Variants in ADCY2 observed in about 807,000 individuals in gnomAD.
ADCY2 encodes adenylate cyclase type 2.
In ADCY2, 31 loss-of-function variants were observed where a neutral mutation model predicts 125.2. The observed-to-expected ratio is 0.25, with a 90% CI of 0.19 to 0.33. ADCY2 has a LOEUF of 0.33. ADCY2 is among the 10% of genes least tolerant of loss of function. The pLI is 1.00. For missense variants in ADCY2, 904 were observed against 1,418.2 expected (o/e 0.64, Z 5.82); for synonymous variants, 512 against 548.4 (o/e 0.93, Z 0.93).
chr5:7,772,622 CAT>C (rs1057378213), intron 17 of ADCY2, among the ~76,000 whole-genome samples: 29 of 152,072 alleles, frequency 1.9e-4, no homozygotes, highest in Admixed American at 8.5e-4. Context: ...AAATAGATAA[CAT>C]TGGCTTATAG....
At chr5:7,717,050 C>A in intron 11 of ADCY2, 107 bp from the exon 12 acceptor site, 1 of 673,442 alleles carries the variant, frequency 1.5e-6, no homozygotes, top group Non-Finnish European at 2.6e-6. Flanking sequence ...AACAAAATGT[C>A]ATCTGTATCT....
At chr5:7,526,825 C>A (rs933018187) in intron 3 of ADCY2, among the ~76,000 whole-genome samples, 13 of 152,254 alleles carry the variant, frequency 8.5e-5, no homozygotes, top group African/African-American at 3.1e-4. Flanking sequence ...TGAAGACATG[C>A]TGGAATCCCT....
At chr5:7,501,200 T>G (rs1743554238) in intron 2 of ADCY2, among the ~76,000 whole-genome samples, 2 of 151,934 alleles carry the variant, frequency 1.3e-5, no homozygotes, top group South Asian at 4.1e-4. Flanking sequence ...TGACAAGATG[T>G]TTTGTTTAGT....
At chr5:7,515,896 C>T (rs1175967291) in intron 2 of ADCY2, among the ~76,000 whole-genome samples, 1 of 152,038 alleles carries the variant, frequency 6.6e-6, no homozygotes, top group Non-Finnish European at 1.5e-5. Flanking sequence ...ATAAGTAAAG[C>T]CAATGAAGAG....
chr5:7,420,243 A>C (rs767511214), intron 2 of ADCY2, among the ~76,000 whole-genome samples: 1 of 152,130 alleles, frequency 6.6e-6, no homozygotes, highest in Non-Finnish European at 1.5e-5. Flanking sequence ...ATCACCCAAC[A>C]TGGCCTCTCT....
At chr5:7,695,712 A>T (rs756826596) in intron 5 of ADCY2, 40 bp from the exon 6 acceptor site, 1 of 1,246,894 alleles carries the variant, frequency 8.0e-7, no homozygotes, top group Admixed American at 2.4e-5. Flanking sequence ...AAATGTATAA[A>T]CTGGAAAACT....
At chr5:7,511,181 G>A (rs563738674) in intron 2 of ADCY2, among the ~76,000 whole-genome samples, 1 of 152,188 alleles carries the variant, frequency 6.6e-6, no homozygotes, top group Non-Finnish European at 1.5e-5. Flanking sequence ...TGTCCCCATA[G>A]AGCCTGCATA....
intron 3 of ADCY2, among the ~76,000 whole-genome samples, chr5:7,602,525 A>G (rs1053897603): frequency 6.6e-6 from 1 of 152,164 alleles, no homozygotes; most frequent in Non-Finnish European, 1.5e-5. Context: ...ACCTACAAGA[A>G]GTCTCCTCTA....
At position 7,706,720 on chromosome 5, in the gene ADCY2, T is replaced by C. The variant is rs114107837; in HGVS notation, c.1110-24T>C. On this transcript the variant is annotated intron_variant, in intron 7 of 24. Transcript: ENST00000338316. ...GGAAACAGTGGATGTTACTTGATCA[T>C]GATCTTACTTCCCTTCTCTTTAGGA... The C allele has an allele frequency of 9.7e-3, 15,675 of 1,612,810 alleles. 91 individuals are homozygous for C. Among genetic ancestry groups the C allele is most frequent in the Non-Finnish European group, 0.012 (13,807 of 1,179,050 alleles).
chr5:7,566,207 C>T (rs755692772), intron 3 of ADCY2, among the ~76,000 whole-genome samples: 14 of 152,118 alleles, frequency 9.2e-5, no homozygotes, highest in East Asian at 1.9e-4. Flanking sequence ...AGGGACACTG[C>T]GCTGGGCGCA....
rs1439712708 is a variant in ADCY2 at position 7,789,655 on chromosome 5, G to A, written c.2483G>A (p.Cys828Tyr). 1.2e-6 allele frequency: 2 copies of A among 1,613,776 alleles called. No homozygotes were observed. Among genetic ancestry groups the A allele is most frequent in the Non-Finnish European group, 1.7e-6 (2 of 1,179,870 alleles). The stretch of plus-strand genomic sequence containing the variant: ...CTCTTGTAACAGAATGAATATTACT[G>A]TAGGTTAGACTTCTTATGGAAGAAC... ...LVLGRQNEYY[C>Y]RLDFLWKNKF... is the part of the protein sequence containing the mutation. Residue 828 changes from cysteine (C) to tyrosine (Y), a missense_variant, in exon 20 of 25, where the codon TGT (cysteine) becomes TAT (tyrosine). Cys to Tyr is a radical substitution (Grantham distance 194). Around this residue, in one of 7 missense-constraint regions of ADCY2, gnomAD observed 181 missense variants for 381.6 expected, o/e 0.47. Transcript: ENST00000338316.
chr5:7,612,968 A>T (rs1470628283), intron 3 of ADCY2, among the ~76,000 whole-genome samples: 2 of 152,068 alleles, frequency 1.3e-5, no homozygotes, highest in East Asian at 3.9e-4. Flanking sequence ...GTGAGCTGAG[A>T]TTGCACCACT....
intron 18 of ADCY2, among the ~76,000 whole-genome samples, chr5:7,780,762 C>G (rs1176128536): frequency 1.3e-4 from 19 of 149,760 alleles, no homozygotes; most frequent in Admixed American, 1.3e-3. Flanking sequence ...ACTGCTTTCC[C>G]TCCTGAGAAT....
At chr5:7,667,808 G>A (rs994224203) in intron 4 of ADCY2, among the ~76,000 whole-genome samples, 14 of 152,328 alleles carry the variant, frequency 9.2e-5, no homozygotes, top group African/African-American at 3.1e-4. Flanking sequence ...TTAAGAAGAC[G>A]TTCTAAGCGT....
intron 3 of ADCY2, among the ~76,000 whole-genome samples, chr5:7,524,704 T>G (rs938860099): frequency 6.6e-6 from 1 of 152,188 alleles, no homozygotes; most frequent in Non-Finnish European, 1.5e-5. Flanking sequence ...TTCTGCATCT[T>G]TGGCAAGAAT....
intron 2 of ADCY2, among the ~76,000 whole-genome samples, chr5:7,490,640 CGCACACACACACATGCATGCAT>C (rs1309246719): frequency 2.0e-4 from 30 of 152,216 alleles, no homozygotes; most frequent in South Asian, 8.3e-4. Flanking sequence ...TAAACACACA[CGCACACACACACATGCATGCAT>C]GCACACACAC....
chr5:7,578,678 G>C (rs898215234), intron 3 of ADCY2, among the ~76,000 whole-genome samples: 1 of 152,176 alleles, frequency 6.6e-6, no homozygotes, highest in Admixed American at 6.6e-5. Context: ...AGTAGGAACT[G>C]TCTTAAAGCT....
At chr5:7,643,521 G>T (rs1403578656) in intron 4 of ADCY2, among the ~76,000 whole-genome samples, 1 of 151,384 alleles carries the variant, frequency 6.6e-6, no homozygotes, top group Non-Finnish European at 1.5e-5. Flanking sequence ...TGTTAGGTCT[G>T]TGCTTACAGG....
intron 2 of ADCY2, among the ~76,000 whole-genome samples, chr5:7,466,052 T>C (rs1742102959): frequency 6.6e-6 from 1 of 152,196 alleles, no homozygotes; most frequent in South Asian, 2.1e-4. Flanking sequence ...CTTTTCCTCC[T>C]TTTAGCACTA....
Sources: gnomAD v4.1 joint callset for allele counts (sites outside exome capture counted in the v4.1 genomes callset) on GRCh38, gnomAD v4.1.1 for gene constraint, gnomAD v4.1.1 regional missense constraint, MANE v1.5 for transcripts, NCBI Gene and HGNC (gene_info 2026-07-23, HGNC 2026-07-21) for gene names.